NEK6: variants seen among roughly 807,000 people sequenced by gnomAD.
NEK6 encodes serine/threonine-protein kinase Nek6.
A neutral mutation model predicts 43.5 loss-of-function variants in NEK6; 27 were observed. The ratio of observed to expected loss-of-function variants is 0.62; its 90% CI spans 0.46 to 0.86. The LOEUF (loss-of-function observed/expected upper bound fraction) is 0.86, where lower values mean the gene tolerates loss of function less well. NEK6 is among the 40% of genes least tolerant of loss of function. The pLI, the probability that NEK6 is intolerant of heterozygous loss-of-function variation, is 0.00. For synonymous variants in NEK6, 167 were observed against 164.1 expected, an observed-to-expected ratio of 1.02 and a Z score of -0.14; for missense variants, 318 against 414.4, an observed-to-expected ratio of 0.77 and a Z score of 2.02.
chr9:124,340,593 G>T (rs1348953304), intron 8 of NEK6, among the ~76,000 whole-genome samples: 2 of 152,256 alleles, frequency 1.3e-5, no homozygotes, highest in African/African-American at 4.8e-5. Flanking sequence ...CAGGCTGTTA[G>T]ACACCAAGCC....
In NEK6 at chr9:124,351,684, CT is replaced by C. The variant is rs1410063344; in HGVS notation, c.*738del. ...TTCATGATCAGTGTTAAGCATTTTC[CT>C]CCATGGGAAGGAAGCATGGGATATA... is the stretch of plus-strand genomic sequence containing the variant. On this transcript the variant is annotated 3_prime_UTR_variant, in exon 10 of 10. Coordinates refer to ENST00000320246, the MANE Select transcript of NEK6 (RefSeq NM_014397.6). The C allele has an allele frequency of 6.6e-6, 1 of 152,194 alleles. No homozygotes were observed. Among genetic ancestry groups the C allele is most frequent in the Admixed American group, 6.5e-5 (1 of 15,272 alleles). 9.4% of individuals were successfully genotyped at this position (152,194 alleles called of 1,614,324 possible).
At chr9:124,285,905 G>C (rs1023320809) in intron 1 of NEK6, among the ~76,000 whole-genome samples, 6 of 152,210 alleles carry the variant, frequency 3.9e-5, no homozygotes, top group African/African-American at 1.4e-4. Flanking sequence ...GAGGATTAAA[G>C]TAAGTTAACA....
chr9:124,258,201 G>T, intron 1 of NEK6, 116 bp downstream of exon 1: 2 of 975,898 alleles, frequency 2.0e-6, no homozygotes, highest in Non-Finnish European at 2.4e-6. Context: ...CGCGCCCACG[G>T]CTCCGCGGGG....
chr9:124,337,826 C>T (rs554803394), intron 7 of NEK6, among the ~76,000 whole-genome samples: 1 of 152,352 alleles, frequency 6.6e-6, no homozygotes, highest in South Asian at 2.1e-4. Flanking sequence ...CGATGGTCTT[C>T]CAAAGTAGTT....
At position 124,339,680 on chromosome 9, in the gene NEK6, G is replaced by A. The variant is rs774338742; in HGVS notation, c.717+15G>A. ...TGCTGTACGAGGTGAGTCTCTGTCC[G>A]TGGCTCAGCAGCATTTGGTGGGACA... On this transcript the variant is annotated intron_variant, in intron 8 of 9. Coordinates refer to ENST00000320246, the MANE Select transcript of NEK6 (RefSeq NM_014397.6). 48 of 1,588,098 alleles carry A rather than the reference G, an allele frequency of 3.0e-5. No individual in the cohort carries two copies. The highest frequency in any genetic ancestry group is 3.6e-5 in the Non-Finnish European group (42 of 1,156,314).
At position 124,329,783 on chromosome 9, in the gene NEK6, C is replaced by T. The variant is rs147482094; in HGVS notation, c.622+2338C>T. Reference sequence around the variant, plus strand: ...TCTCCAAGACCCAGGGGAAAGACCCCTTCCACCAAGAGGTTCTGCAAACAG... The same window carrying T: ...TCTCCAAGACCCAGGGGAAAGACCCTTTCCACCAAGAGGTTCTGCAAACAG... On this transcript the variant is annotated intron_variant, in intron 7 of 9. Coordinates refer to ENST00000320246, the MANE Select transcript of NEK6 (RefSeq NM_014397.6). Among the ~76,000 whole-genome samples the T allele has an allele frequency of 7.4e-3, 1,135 of 152,388 alleles. 15 individuals are homozygous for T. Among genetic ancestry groups the T allele is most frequent in the African/African-American group, 0.026 (1,094 of 41,598 alleles).
intron 2 of NEK6, among the ~76,000 whole-genome samples, chr9:124,303,602 T>C (rs1344247400): frequency 1.3e-5 from 2 of 152,090 alleles, no homozygotes; most frequent in African/African-American, 4.8e-5. Flanking sequence ...CTGGTGGGGG[T>C]GTGTGTATAT....
At chr9:124,303,621 A>G (rs1424778746) in intron 2 of NEK6, among the ~76,000 whole-genome samples, 1 of 152,142 alleles carries the variant, frequency 6.6e-6, no homozygotes, top group Non-Finnish European at 1.5e-5. Context: ...ATGCATACAC[A>G]CAAGCATGCA....
chr9:124,348,340 A>G (rs1830062545), intron 9 of NEK6, among the ~76,000 whole-genome samples: 1 of 152,194 alleles, frequency 6.6e-6, no homozygotes. Flanking sequence ...AGCCGTGGAC[A>G]CAGCTCCCAT....
At chr9:124,257,839 G>A, upstream of NEK6, 1 of 1,118,848 alleles carries the variant, frequency 8.9e-7, no homozygotes, top group Non-Finnish European at 1.1e-6. Flanking sequence ...GACGCCGCCG[G>A]GGCGCCCCCC....
At chr9:124,337,964 A>G (rs958452485) in intron 7 of NEK6, among the ~76,000 whole-genome samples, 19 of 151,974 alleles carry the variant, frequency 1.3e-4, no homozygotes, top group Admixed American at 2.0e-4. Flanking sequence ...ATTGTACCTC[A>G]TTGTGTTTTT....
chr9:124,330,106 C>T (rs371290597), intron 7 of NEK6, among the ~76,000 whole-genome samples: 1 of 152,180 alleles, frequency 6.6e-6, no homozygotes, highest in Non-Finnish European at 1.5e-5. Flanking sequence ...TTTGCTAACA[C>T]GAGGCTGGCA....
intron 3 of NEK6, 92 bp downstream of exon 3, chr9:124,312,741 C>T: frequency 7.4e-7 from 1 of 1,349,730 alleles, no homozygotes; most frequent in South Asian, 1.4e-5. Context: ...TCTCTCCCCT[C>T]TTCTGTGAAC....
At position 124,340,727 on chromosome 9, in the gene NEK6, C is replaced by T. The variant is rs969443335; in HGVS notation, c.717+1062C>T. 5.3e-5 allele frequency among the ~76,000 whole-genome samples: 8 copies of T among 152,202 alleles called. No individual in the cohort carries two copies. In the East Asian group the frequency reaches 5.8e-4, roughly 11 times the overall value. ...GAACTTCAGTCTCAGCTGCTGTGGCCGGTGACAGTCCACAGCAGTGATGCT... is the reference window on the plus strand; with the variant it reads ...GAACTTCAGTCTCAGCTGCTGTGGCTGGTGACAGTCCACAGCAGTGATGCT... On this transcript the variant is annotated intron_variant, in intron 8 of 9. Coordinates refer to ENST00000320246, the MANE Select transcript of NEK6 (RefSeq NM_014397.6).
intron 1 of NEK6, among the ~76,000 whole-genome samples, chr9:124,283,227 G>A (rs1345889946): frequency 6.6e-6 from 1 of 152,220 alleles, no homozygotes; most frequent in Non-Finnish European, 1.5e-5. Flanking sequence ...GCCTAGCCCA[G>A]GGCCTGGCAC....
At chr9:124,317,324 C>A (rs1833867798) in intron 4 of NEK6, among the ~76,000 whole-genome samples, 1 of 152,178 alleles carries the variant, frequency 6.6e-6, no homozygotes, top group Non-Finnish European at 1.5e-5. Context: ...GCGATCTCGG[C>A]TCACTACAAC....
chr9:124,300,748 A>G (rs1832926452), intron 1 of NEK6, among the ~76,000 whole-genome samples: 1 of 152,136 alleles, frequency 6.6e-6, no homozygotes, highest in African/African-American at 2.4e-5. Flanking sequence ...CTGAGACGGG[A>G]CTGGCTTTCA....
chr9:124,327,984 G>A (rs909157711), intron 7 of NEK6, among the ~76,000 whole-genome samples: 1 of 152,148 alleles, frequency 6.6e-6, no homozygotes, highest in Non-Finnish European at 1.5e-5. Flanking sequence ...CTCGGTGTGC[G>A]GCTGAGCTTG....
At chr9:124,296,573 G>A (rs1832698906) in intron 1 of NEK6, among the ~76,000 whole-genome samples, 1 of 152,198 alleles carries the variant, frequency 6.6e-6, no homozygotes, top group Non-Finnish European at 1.5e-5. Flanking sequence ...GAGGCAGGCA[G>A]GACACACACC....
Sources: allele counts gnomAD v4.1 joint callset (sites outside exome capture counted in the v4.1 genomes callset), GRCh38; gene constraint gnomAD v4.1.1; transcripts MANE v1.5; gene names NCBI Gene and HGNC (gene_info 2026-07-23, HGNC 2026-07-21).